The following CERS3 variants were observed in gnomAD, a reference collection of about 807,000 sequenced individuals.
CERS3 encodes LAG1 homolog, ceramide synthase 3.
A neutral mutation model predicts 50.3 loss-of-function variants in CERS3; 33 were observed. The observed-to-expected ratio is 0.66, with a 90% CI of 0.50 to 0.88. CERS3 has a LOEUF of 0.88. Among genes scored for constraint, CERS3 ranks in the 40% least tolerant of loss-of-function variants. CERS3 has a pLI of 0.00. For synonymous variants in CERS3, 176 were observed against 155.2 expected (o/e 1.13, Z -0.99); for missense variants, 470 against 460.3 (o/e 1.02, Z -0.19).
chr15:100,413,029 C>T (rs2031609059), intron 11 of CERS3, among the ~76,000 whole-genome samples: 1 of 152,048 alleles, frequency 6.6e-6, no homozygotes, highest in African/African-American at 2.4e-5. Context: ...TTTTTTCATA[C>T]TATCCATATA....
At chr15:100,477,727 G>A (rs1222281390) in intron 7 of CERS3, among the ~76,000 whole-genome samples, 1 of 152,178 alleles carries the variant, frequency 6.6e-6, no homozygotes, top group East Asian at 1.9e-4. Context: ...AAGCAGTAGT[G>A]ACTGTAATAT....
At chr15:100,455,276 G>A (rs2034327507) in intron 11 of CERS3, among the ~76,000 whole-genome samples, 1 of 151,778 alleles carries the variant, frequency 6.6e-6, no homozygotes, top group Non-Finnish European at 1.5e-5. Context: ...ATATACCAAA[G>A]AGTAGAATGA....
chr15:100,494,210 CAT>C lies in CERS3; in HGVS notation c.174-3281_174-3280del, dbSNP rs1170051830. On this transcript the variant is annotated intron_variant, in intron 3 of 11. Coordinates refer to ENST00000679737, the MANE Select transcript of CERS3 (RefSeq NM_001378789.1). Reference sequence around the variant, plus strand: ...TTTGCTTAGTCACCTTTTTTCTTTTCATATATATATATATATATATATATATA... The same window carrying C: ...TTTGCTTAGTCACCTTTTTTCTTTTCATATATATATATATATATATATATA... Among the ~76,000 whole-genome samples, 468 of 78,054 alleles carry C rather than the reference CAT, an allele frequency of 6.0e-3. 4 individuals carry two copies. Among genetic ancestry groups the C allele is most frequent in the African/African-American group, 0.016 (280 of 17,852 alleles). The allele number at this position is 78,054 out of a possible 152,430, so 51.2% of individuals were successfully genotyped here.
At chr15:100,417,646 A>G (rs1176000550) in intron 11 of CERS3, among the ~76,000 whole-genome samples, 1 of 152,078 alleles carries the variant, frequency 6.6e-6, no homozygotes, top group Non-Finnish European at 1.5e-5. Flanking sequence ...CCAAACAAAA[A>G]GACAGCAGTA....
At chr15:100,515,638 T>G (rs1256788573) in intron 2 of CERS3, among the ~76,000 whole-genome samples, 2 of 102,100 alleles carry the variant, frequency 2.0e-5, no homozygotes, top group Admixed American at 2.2e-4. Context: ...ACAGAACAGA[T>G]AGGTCTTAGA....
At chr15:100,436,390 C>T (rs1197193498) in intron 11 of CERS3, among the ~76,000 whole-genome samples, 1 of 152,158 alleles carries the variant, frequency 6.6e-6, no homozygotes, top group Non-Finnish European at 1.5e-5. Flanking sequence ...CCAAACACTG[C>T]CTGTTCTCAC....
At chr15:100,473,425 A>G (rs1488312014) in intron 8 of CERS3, among the ~76,000 whole-genome samples, 1 of 152,210 alleles carries the variant, frequency 6.6e-6, no homozygotes, top group Non-Finnish European at 1.5e-5. Flanking sequence ...ACAACCATTA[A>G]ATAAGTTAGT....
intron 5 of CERS3, among the ~76,000 whole-genome samples, chr15:100,481,868 T>C (rs2035309943): frequency 6.6e-6 from 1 of 152,216 alleles, no homozygotes; most frequent in Non-Finnish European, 1.5e-5. Flanking sequence ...CAGAATATTT[T>C]CAGAATATTA....
rs1250309689 is a variant in CERS3, at chr15:100,469,356, G to A, written c.845+22C>T. 6 of 1,583,020 alleles carry A rather than the reference G, an allele frequency of 3.8e-6. No individual in the cohort carries two copies. In the African/African-American group the frequency reaches 4.0e-5, roughly 11 times the overall value. Reference sequence around the variant, plus strand: ...ACCTCTGCACACTGACCAAAGGCAGGGCACATCACCGGTCTACTCACCAGA... The same window carrying A: ...ACCTCTGCACACTGACCAAAGGCAGAGCACATCACCGGTCTACTCACCAGA... On this transcript the variant is annotated intron_variant, in intron 10 of 11. Coordinates refer to ENST00000679737, the MANE Select transcript of CERS3 (RefSeq NM_001378789.1).
chr15:100,417,990 AC>A (rs1403942249), intron 11 of CERS3, among the ~76,000 whole-genome samples: 1 of 152,174 alleles, frequency 6.6e-6, no homozygotes, highest in Non-Finnish European at 1.5e-5. Context: ...AAAAAACAGA[AC>A]ACAAAAACTG....
intron 5 of CERS3, among the ~76,000 whole-genome samples, chr15:100,480,907 A>G (rs948285055): frequency 4.6e-5 from 7 of 152,210 alleles, no homozygotes; most frequent in Non-Finnish European, 7.3e-5. Flanking sequence ...GAGTTGATCA[A>G]CTAAAGCTGG....
At chr15:100,490,253 A>C (rs1419080119) in intron 4 of CERS3, among the ~76,000 whole-genome samples, 1 of 152,178 alleles carries the variant, frequency 6.6e-6, no homozygotes, top group Non-Finnish European at 1.5e-5. Context: ...GTGCACTACA[A>C]CATAAATGAA....
At chr15:100,435,496 G>A (rs182090627) in intron 11 of CERS3, among the ~76,000 whole-genome samples, 2 of 152,308 alleles carry the variant, frequency 1.3e-5, no homozygotes, top group East Asian at 3.9e-4. Context: ...AGTCTTAAAT[G>A]TAAAACCTAA....
chr15:100,531,929 C>T (rs2036947381), upstream of CERS3, among the ~76,000 whole-genome samples: 1 of 152,046 alleles, frequency 6.6e-6, no homozygotes, highest in African/African-American at 2.4e-5. Flanking sequence ...GAGGTGTTGT[C>T]GGGAGCAGTA....
chr15:100,414,575 A>T (rs2031748353), intron 11 of CERS3, among the ~76,000 whole-genome samples: 1 of 152,192 alleles, frequency 6.6e-6, no homozygotes, highest in South Asian at 2.1e-4. Flanking sequence ...TGGTACCAAA[A>T]CAGGCATATA....
At chr15:100,508,375 C>T (rs1233283388) in intron 2 of CERS3, among the ~76,000 whole-genome samples, 1 of 152,012 alleles carries the variant, frequency 6.6e-6, no homozygotes, top group African/African-American at 2.4e-5. Flanking sequence ...TAAAAAGATG[C>T]TTGGTAGATG....
At position 100,497,585 on chromosome 15, in the gene CERS3, A is replaced by G. The variant is rs142672900; in HGVS notation, c.173+4092T>C. Among the ~76,000 whole-genome samples the G allele has an allele frequency of 3.9e-4, 59 of 152,160 alleles. No homozygotes were observed. The East Asian group carries it at 9.7e-3, about 25-fold the overall frequency. ...AAATTAGGAGGGGAAAGCAAAATAGAATTAAACCAAAGATTTATACAGTAA... is the reference window on the plus strand; with the variant it reads ...AAATTAGGAGGGGAAAGCAAAATAGGATTAAACCAAAGATTTATACAGTAA... On this transcript the variant is annotated intron_variant, in intron 3 of 11. Coordinates refer to ENST00000679737, the MANE Select transcript of CERS3 (RefSeq NM_001378789.1).
intron 11 of CERS3, among the ~76,000 whole-genome samples, chr15:100,445,544 T>C (rs946117424): frequency 7.9e-4 from 121 of 152,266 alleles, no homozygotes; most frequent in African/African-American, 1.8e-3. Flanking sequence ...CATACAAAAC[T>C]GTATCCAGGC....
intron 10 of CERS3, among the ~76,000 whole-genome samples, chr15:100,462,102 C>G (rs994166608): frequency 1.3e-5 from 2 of 152,198 alleles, no homozygotes; most frequent in African/African-American, 4.8e-5. Flanking sequence ...CACCACCTTA[C>G]AGCAACTGAA....
Sources: allele counts gnomAD v4.1 joint callset (sites outside exome capture counted in the v4.1 genomes callset), GRCh38; gene constraint gnomAD v4.1.1; transcripts MANE v1.5; gene names NCBI Gene and HGNC (gene_info 2026-07-23, HGNC 2026-07-21).